NGLY1: variants seen among roughly 807,000 people sequenced by gnomAD.
The protein encoded by NGLY1 is N-glycanase 1, also known as peptide-N(4)-(N-acetyl-beta-glucosaminyl)asparagine amidase.
NGLY1 carries 68 observed loss-of-function variants against 84.6 expected under a neutral mutation model. The observed-to-expected ratio is 0.80, with a 90% CI of 0.66 to 0.98. NGLY1 has a LOEUF of 0.98. NGLY1 is among the 50% of genes least tolerant of loss of function. NGLY1 has a pLI of 0.00. For synonymous variants in NGLY1, 280 were observed against 275.2 expected (o/e 1.02, Z -0.17); for missense variants, 779 against 770.2 (o/e 1.01, Z -0.14).
In NGLY1 at chr3:25,759,215, T is replaced by G. The variant is rs190461910; in HGVS notation, c.492+4851A>C. On this transcript the variant is annotated intron_variant, in intron 3 of 11. Transcript: ENST00000280700. ...CACATTGCCTCCATTACAGAAGAGATGGGTACAACAGCTGACAAAAGAAAT... is the reference window on the plus strand; with the variant it reads ...CACATTGCCTCCATTACAGAAGAGAGGGGTACAACAGCTGACAAAAGAAAT... 2.1e-3 allele frequency among the ~76,000 whole-genome samples: 312 copies of G among 151,212 alleles called. 2 individuals are homozygous for G. The highest frequency in any genetic ancestry group is 7.1e-3 in the African/African-American group (294 of 41,152).
rs529780279 is a variant in NGLY1 at position 25,750,999 on chromosome 3, T to A, written c.658+99A>T. 6 of 1,243,192 alleles carry A rather than the reference T, an allele frequency of 4.8e-6. No individual in the cohort carries two copies. In the South Asian group the frequency reaches 9.0e-5, roughly 19 times the overall value. 77.0% of individuals were successfully genotyped at this position (1,243,192 alleles called of 1,614,324 possible). A position where few individuals can be genotyped will look rare whatever the true frequency, so the allele number is the denominator to read the frequency against. On this transcript the variant is annotated intron_variant, in intron 4 of 11. Coordinates refer to ENST00000280700, the MANE Select transcript of NGLY1 (RefSeq NM_018297.4). ...CCACATATAAGTGGACCCATGCAGTTCAAACCCATGTTCTTCAAGGGTCAG... is the reference window on the plus strand; with the variant it reads ...CCACATATAAGTGGACCCATGCAGTACAAACCCATGTTCTTCAAGGGTCAG...
chr3:25,752,049 A>C (rs1335331484), intron 3 of NGLY1, among the ~76,000 whole-genome samples: 2 of 152,316 alleles, frequency 1.3e-5, no homozygotes, highest in Non-Finnish European at 2.9e-5. Context: ...AGGACCTCTC[A>C]AATACATATG....
intron 9 of NGLY1, chr3:25,729,956 TAGG>T (rs1268475542): frequency 2.0e-5 from 3 of 152,126 alleles, no homozygotes; most frequent in Non-Finnish European, 4.4e-5. Context: ...TTACTTTGTC[TAGG>T]ATGCTGTTTT....
At chr3:25,771,734 G>C (rs1222006615) in intron 2 of NGLY1, among the ~76,000 whole-genome samples, 1 of 152,088 alleles carries the variant, frequency 6.6e-6, no homozygotes, top group Non-Finnish European at 1.5e-5. Context: ...TTTCCTTATA[G>C]AGGTCTTTCA....
At chr3:25,735,967 T>C in intron 7 of NGLY1, 37 bp downstream of exon 7, 1 of 1,523,934 alleles carries the variant, frequency 6.6e-7, no homozygotes, top group Non-Finnish European at 8.9e-7. Context: ...AAATATATTT[T>C]ACTTTTGGAA....
intron 11 of NGLY1, 102 bp downstream of exon 11, chr3:25,719,912 T>A: frequency 1.0e-6 from 1 of 1,000,008 alleles, no homozygotes; most frequent in Non-Finnish European, 1.4e-6. Context: ...ATAGTATTAA[T>A]AACTCTTAGG....
intron 3 of NGLY1, among the ~76,000 whole-genome samples, chr3:25,758,015 T>C (rs1204567473): frequency 5.3e-5 from 8 of 152,232 alleles, no homozygotes; most frequent in Admixed American, 3.9e-4. Flanking sequence ...TTTAACTAAA[T>C]TAATCCTCAA....
rs371185733 is a variant in NGLY1, at chr3:25,751,165, A to T, written c.591T>A (p.Cys197Ter). 6.2e-7 allele frequency: 1 copy of T among 1,613,872 alleles called. No individual in the cohort carries two copies. Among genetic ancestry groups the T allele is most frequent in the African/African-American group, 1.3e-5 (1 of 75,048 alleles). ...TCCTTTTTAGTTCTTGGACCGGAATACAAGCCAACGCTTTCTCCTGAAGAG... is the reference window on the plus strand; with the variant it reads ...TCCTTTTTAGTTCTTGGACCGGAATTCAAGCCAACGCTTTCTCCTGAAGAG... ...NPALQEKALA[C>*]IPVQELKRKS... The change falls in exon 4 of 12, where the codon TGT (cysteine) becomes TGA (stop). Residue 197 changes from cysteine to a stop codon, truncating the protein, a stop_gained. Transcript: ENST00000280700. LOFTEE classifies it high-confidence loss of function.
chr3:25,764,140 A>C lies in NGLY1; in HGVS notation c.418T>G (p.Ser140Ala), dbSNP rs757439135. The C allele has an allele frequency of 1.9e-6, 3 of 1,614,164 alleles. No individual in the cohort carries two copies. The South Asian group carries it at 3.3e-5, about 18-fold the overall frequency. Reference sequence around the variant, plus strand: ...TGCTGGTTTAACCCACTGGGATTTGAAGATGGTGTTGTAGGAAGCTGGGTA... The same window carrying C: ...TGCTGGTTTAACCCACTGGGATTTGCAGATGGTGTTGTAGGAAGCTGGGTA... The part of the protein sequence containing the change: ...ASTQLPTTPS[S>A]NPSGLNQHTR... Residue 140 changes from serine to alanine, a missense_variant, in exon 3 of 12, where the codon TCA becomes GCA. Coordinates refer to ENST00000280700, the MANE Select transcript of NGLY1 (RefSeq NM_018297.4).
At chr3:25,773,226 C>T (rs1055444708) in intron 2 of NGLY1, among the ~76,000 whole-genome samples, 1 of 152,122 alleles carries the variant, frequency 6.6e-6, no homozygotes, top group Admixed American at 6.6e-5. Context: ...AATATGTCTT[C>T]CAAACTTTTA....
chr3:25,755,630 C>A (rs933959704), intron 3 of NGLY1: 7 of 1,490,064 alleles, frequency 4.7e-6, no homozygotes, highest in Non-Finnish European at 6.5e-6. Context: ...ATGAAGCAAA[C>A]CCACTGAAGA....
At chr3:25,744,988 C>T (rs1239439833) in intron 4 of NGLY1, among the ~76,000 whole-genome samples, 1 of 152,122 alleles carries the variant, frequency 6.6e-6, no homozygotes, top group African/African-American at 2.4e-5. Context: ...ATCTCTAAGC[C>T]ACCAGTCATT....
intron 1 of NGLY1, among the ~76,000 whole-genome samples, chr3:25,781,219 G>T (rs1708402247): frequency 6.6e-6 from 1 of 152,078 alleles, no homozygotes; most frequent in African/African-American, 2.4e-5. Context: ...CCACAGTGCT[G>T]GGGTTACAGG....
At chr3:25,779,978 A>G (rs575231356) in intron 1 of NGLY1, among the ~76,000 whole-genome samples, 1 of 152,346 alleles carries the variant, frequency 6.6e-6, no homozygotes, top group South Asian at 2.1e-4. Context: ...TTACAAGTGC[A>G]TAAAAATGAA....
At chr3:25,730,691 A>G (rs919641573) in intron 9 of NGLY1, 1 of 152,156 alleles carries the variant, frequency 6.6e-6, no homozygotes, top group Non-Finnish European at 1.5e-5. Flanking sequence ...TGCCCGCTAC[A>G]GACGATGGGA....
chr3:25,784,721 T>G (rs954537205), upstream of NGLY1, among the ~76,000 whole-genome samples: 12 of 152,228 alleles, frequency 7.9e-5, no homozygotes, highest in Admixed American at 5.9e-4. Context: ...TGACATCCAG[T>G]TCAATGACTA....
At chr3:25,740,810 A>T (rs1201713728) in intron 4 of NGLY1, among the ~76,000 whole-genome samples, 1 of 152,148 alleles carries the variant, frequency 6.6e-6, no homozygotes, top group Non-Finnish European at 1.5e-5. Flanking sequence ...CCCAATTAAA[A>T]TTATAAAATA....
At chr3:25,754,554 C>T (rs1489178971) in intron 3 of NGLY1, among the ~76,000 whole-genome samples, 1 of 151,908 alleles carries the variant, frequency 6.6e-6, no homozygotes, top group African/African-American at 2.4e-5. Flanking sequence ...TTCAGAATAT[C>T]ACTTTAGCCA....
chr3:25,782,194 C>A (rs1287833434), intron 1 of NGLY1, among the ~76,000 whole-genome samples: 1 of 152,134 alleles, frequency 6.6e-6, no homozygotes, highest in African/African-American at 2.4e-5. Flanking sequence ...TGAAATATTA[C>A]TGACATGGAT....
Sources: allele counts gnomAD v4.1 joint callset (sites outside exome capture counted in the v4.1 genomes callset), GRCh38; gene constraint gnomAD v4.1.1; transcripts MANE v1.5; gene names NCBI Gene and HGNC (gene_info 2026-07-23, HGNC 2026-07-21).